The following CTNNA3 variants were observed in gnomAD, a reference collection of about 807,000 sequenced individuals.
CTNNA3 encodes catenin alpha 3.
Under a neutral mutation model 95.7 loss-of-function variants are expected in CTNNA3, and 76 were observed. The observed-to-expected ratio is 0.79, with a 90% CI of 0.66 to 0.96. The LOEUF (loss-of-function observed/expected upper bound fraction) is 0.96, where lower values mean the gene tolerates loss of function less well. Among genes scored for constraint, CTNNA3 ranks in the 40% least tolerant of loss-of-function variants. The pLI is 0.00. For synonymous variants in CTNNA3, 431 were observed against 374.4 expected, an observed-to-expected ratio of 1.15 and a Z score of -1.74; for missense variants, 1,191 against 1,089.8, an observed-to-expected ratio of 1.09 and a Z score of -1.31.
chr10:66,063,396 T>G (rs1241481244), intron 15 of CTNNA3, among the ~76,000 whole-genome samples: 2 of 150,784 alleles, frequency 1.3e-5, no homozygotes, highest in Admixed American at 1.3e-4. Flanking sequence ...TCACTCCATG[T>G]TTGTCTTCTG....
intron 7 of CTNNA3, among the ~76,000 whole-genome samples, chr10:66,947,089 T>C (rs182454154): frequency 1.3e-5 from 2 of 152,306 alleles, no homozygotes; most frequent in East Asian, 1.9e-4. Flanking sequence ...GCCTTCTTTC[T>C]GTCTCTGGCC....
intron 10 of CTNNA3, among the ~76,000 whole-genome samples, chr10:66,528,363 A>G (rs1335109583): frequency 6.6e-6 from 1 of 152,150 alleles, no homozygotes; most frequent in Non-Finnish European, 1.5e-5. Context: ...CTTTTACTAC[A>G]TTCTAAACTC....
At chr10:66,479,549 C>T (rs1485035756) in intron 11 of CTNNA3, among the ~76,000 whole-genome samples, 1 of 151,800 alleles carries the variant, frequency 6.6e-6, no homozygotes, top group Non-Finnish European at 1.5e-5. Flanking sequence ...TCTATTAGCC[C>T]ATTTATTTTT....
At position 66,437,358 on chromosome 10, in the gene CTNNA3, C is replaced by T. The variant is rs150089867; in HGVS notation, c.1532-58006G>A. Among the ~76,000 whole-genome samples, 757 of 152,230 alleles carry T rather than the reference C, an allele frequency of 5.0e-3. 4 individuals carry two copies. The highest frequency in any genetic ancestry group is 0.017 in the African/African-American group (717 of 41,560). On this transcript the variant is annotated intron_variant, in intron 11 of 17. Transcript: ENST00000433211. ...AAAGTTTGGTCTTTTCACATAGTCTCATATTTCTTGGAGGCTTTGTTAATT... is the reference window on the plus strand; with the variant it reads ...AAAGTTTGGTCTTTTCACATAGTCTTATATTTCTTGGAGGCTTTGTTAATT...
At chr10:67,360,684 A>C (rs997274339) in intron 5 of CTNNA3, among the ~76,000 whole-genome samples, 2 of 152,104 alleles carry the variant, frequency 1.3e-5, no homozygotes, top group Admixed American at 1.3e-4. Context: ...GAAGGCAAAG[A>C]GGGAGCAGGC....
At chr10:66,495,095 C>A (rs1840056917) in intron 11 of CTNNA3, among the ~76,000 whole-genome samples, 2 of 152,156 alleles carry the variant, frequency 1.3e-5, no homozygotes, top group Admixed American at 1.3e-4. Context: ...CCATTGCACA[C>A]CCCATCAGCC....
At chr10:67,740,068 T>G (rs1442660987) in intron 1 of CTNNA3, among the ~76,000 whole-genome samples, 1 of 152,240 alleles carries the variant, frequency 6.6e-6, no homozygotes, top group South Asian at 2.1e-4. Flanking sequence ...AAGGATTCCC[T>G]ATTTAATAAA....
At chr10:67,278,940 T>G (rs1267881840) in intron 5 of CTNNA3, among the ~76,000 whole-genome samples, 1 of 152,180 alleles carries the variant, frequency 6.6e-6, no homozygotes, top group East Asian at 1.9e-4. Context: ...AGAAAGGAAT[T>G]TGGGCAAGAT....
At chr10:67,559,377 CAG>C (rs1279634581) in intron 3 of CTNNA3, among the ~76,000 whole-genome samples, 2 of 152,204 alleles carry the variant, frequency 1.3e-5, no homozygotes. Flanking sequence ...CCCAGGCAAA[CAG>C]GGTCTGGAGT....
chr10:67,443,824 G>T (rs974944834), intron 5 of CTNNA3, among the ~76,000 whole-genome samples: 6 of 151,974 alleles, frequency 3.9e-5, no homozygotes, highest in African/African-American at 1.2e-4. Context: ...GTCAATTTTG[G>T]CTTTTGTTGC....
intron 15 of CTNNA3, among the ~76,000 whole-genome samples, chr10:66,017,270 T>C (rs968196726): frequency 9.9e-5 from 15 of 152,134 alleles, no homozygotes; most frequent in African/African-American, 3.1e-4. Flanking sequence ...ATTAATCCTA[T>C]GAAGTCAGTC....
At chr10:67,403,990 T>C (rs1265942064) in intron 5 of CTNNA3, among the ~76,000 whole-genome samples, 2 of 152,136 alleles carry the variant, frequency 1.3e-5, no homozygotes, top group Non-Finnish European at 2.9e-5. Flanking sequence ...GTGGTCAGAC[T>C]GTTCAAAGAA....
intron 3 of CTNNA3, among the ~76,000 whole-genome samples, chr10:67,581,537 CT>C (rs1842397438): frequency 6.6e-6 from 1 of 152,144 alleles, no homozygotes; most frequent in African/African-American, 2.4e-5. Context: ...TGTTGTGTCT[CT>C]TCCAGGCTTT....
At chr10:67,563,094 C>G (rs886418407) in intron 3 of CTNNA3, among the ~76,000 whole-genome samples, 6 of 152,118 alleles carry the variant, frequency 3.9e-5, no homozygotes, top group South Asian at 2.1e-4. Context: ...AATGCCATCC[C>G]CATCAAGCTA....
intron 5 of CTNNA3, among the ~76,000 whole-genome samples, chr10:67,283,328 G>A (rs1221496761): frequency 1.3e-5 from 2 of 152,168 alleles, no homozygotes; most frequent in African/African-American, 4.8e-5. Flanking sequence ...ATCTGAAACT[G>A]GTAATCAGCA....
At chr10:66,563,502 A>G (rs1258311723) in intron 10 of CTNNA3, among the ~76,000 whole-genome samples, 3 of 152,108 alleles carry the variant, frequency 2.0e-5, no homozygotes, top group Non-Finnish European at 4.4e-5. Flanking sequence ...TAAAGATATA[A>G]TTACATAATC....
chr10:67,605,815 C>A (rs1251552451), intron 3 of CTNNA3, among the ~76,000 whole-genome samples: 1 of 152,040 alleles, frequency 6.6e-6, no homozygotes, highest in Non-Finnish European at 1.5e-5. Context: ...AGTTTACAGG[C>A]GCCTGCCACC....
chr10:67,440,013 T>C (rs1168328283), intron 5 of CTNNA3, among the ~76,000 whole-genome samples: 1 of 152,014 alleles, frequency 6.6e-6, no homozygotes, highest in Admixed American at 6.6e-5. Flanking sequence ...CACAGTGAGG[T>C]AGAGTATCAA....
At chr10:66,816,484 T>C (rs1357795014) in intron 7 of CTNNA3, among the ~76,000 whole-genome samples, 1 of 151,814 alleles carries the variant, frequency 6.6e-6, no homozygotes, top group Non-Finnish European at 1.5e-5. Context: ...AGTAAAAGGA[T>C]AGAAAAAGAA....
Sources: gnomAD v4.1 joint callset for allele counts (sites outside exome capture counted in the v4.1 genomes callset) on GRCh38, gnomAD v4.1.1 for gene constraint, MANE v1.5 for transcripts, NCBI Gene and HGNC (gene_info 2026-07-23, HGNC 2026-07-21) for gene names.